Variants in ATAD5 observed in about 807,000 individuals in gnomAD.
ATAD5 encodes ATPase family AAA domain-containing protein 5.
Under a neutral mutation model 176.9 loss-of-function variants are expected in ATAD5, and 58 were observed. The ratio of observed to expected loss-of-function variants is 0.33; its 90% CI spans 0.27 to 0.41. ATAD5 has a LOEUF of 0.41. Among genes scored for constraint, ATAD5 ranks in the 10% least tolerant of loss-of-function variants. The pLI is 1.00. For synonymous variants in ATAD5, 640 were observed against 712.6 expected (o/e 0.90, Z 1.62); for missense variants, 1,789 against 2,094.1 (o/e 0.85, Z 2.84).
chr17:30,857,021 C>G lies in ATAD5; in HGVS notation c.2702C>G (p.Thr901Ser). 1.2e-6 allele frequency: 2 copies of G among 1,609,516 alleles called. No individual in the cohort carries two copies. The highest frequency in any genetic ancestry group is 1.7e-5 in the Admixed American group (1 of 58,456). The change falls in exon 8 of 23, where the codon ACT (threonine) becomes AGT (serine). Residue 901 changes from threonine to serine, a missense_variant. By Grantham distance (58) the Thr-to-Ser change is moderately conservative. Transcript: ENST00000321990. ...PLLTKFKELN[T>S]KVIDLSKCGI... ...TTAACTAAATTTAAAGAACTGAACA[C>G]TAAAGTAATAGATCTCTCAAAATGT... is the stretch of plus-strand genomic sequence containing the variant.
intron 6 of ATAD5, among the ~76,000 whole-genome samples, chr17:30,847,325 T>TAG (rs1298109880): frequency 1.5e-4 from 23 of 150,856 alleles, no homozygotes; most frequent in African/African-American, 4.7e-4. Flanking sequence ...GCTATATATA[T>TAG]ATAGAGAGAG....
chr17:30,864,276 T>TTGAATAGCCACTGCACTGTG (rs1425877271), intron 10 of ATAD5: 1 of 152,212 alleles, frequency 6.6e-6, no homozygotes, highest in Non-Finnish European at 1.5e-5. Flanking sequence ...GTGTTTGTGC[T>TTGAATAGCCACTGCACTGTG]TGTGAATAGC....
intron 5 of ATAD5, among the ~76,000 whole-genome samples, chr17:30,844,290 C>A (rs1906333463): frequency 6.6e-6 from 1 of 151,934 alleles, no homozygotes; most frequent in Non-Finnish European, 1.5e-5. Context: ...CACCACCATG[C>A]CCGGCTAATT....
Position 30,844,929 on chromosome 17 carries a change from C to T in ATAD5, c.2450+13C>T. On this transcript the variant is annotated intron_variant, in intron 6 of 22. Coordinates refer to ENST00000321990, the MANE Select transcript of ATAD5 (RefSeq NM_024857.5). The stretch of plus-strand genomic sequence containing the variant: ...TTGATGAAAGCAGGTCAGTCCAATA[C>T]AAATTTTTAAATGCCAAAATATTTT... 1.9e-6 allele frequency: 3 copies of T among 1,572,130 alleles called. No individual in the cohort carries two copies. Among genetic ancestry groups the T allele is most frequent in the Non-Finnish European group, 2.6e-6 (3 of 1,165,178 alleles).
At chr17:30,890,827 CCA>C (rs1309574700) in intron 19 of ATAD5, among the ~76,000 whole-genome samples, 2 of 151,838 alleles carry the variant, frequency 1.3e-5, no homozygotes, top group Non-Finnish European at 1.5e-5. Context: ...TTGAAAGTAG[CCA>C]CAGTTAGACC....
rs572962747 is a variant in ATAD5 at position 30,894,479 on chromosome 17, G to A, written c.5298-85G>A. ...GAAATGTCATCTGGTCTAGACCAGA[G>A]GCAAGGAAACTAAACTGGTTGTGAT... On this transcript the variant is annotated intron_variant, in intron 21 of 22. Coordinates refer to ENST00000321990, the MANE Select transcript of ATAD5 (RefSeq NM_024857.5). 14 of 1,337,108 alleles carry A rather than the reference G, an allele frequency of 1.0e-5. 1 individual carries two copies. The South Asian group carries it at 1.4e-4, about 13-fold the overall frequency. 82.8% of individuals were successfully genotyped at this position (1,337,108 alleles called of 1,614,324 possible). A position where few individuals can be genotyped will look rare whatever the true frequency, so the allele number is the denominator to read the frequency against.
At chr17:30,890,185 A>C (rs553973313) in intron 19 of ATAD5, among the ~76,000 whole-genome samples, 75 of 151,428 alleles carry the variant, frequency 5.0e-4, no homozygotes, top group Middle Eastern at 3.4e-3. Context: ...CACCTCACCC[A>C]GCTTCATATT....
intron 6 of ATAD5, 111 bp downstream of exon 6, chr17:30,845,027 G>C: frequency 1.0e-6 from 1 of 998,272 alleles, no homozygotes; most frequent in Non-Finnish European, 1.4e-6. Context: ...GCTCTAGTAA[G>C]TCCAGTTTCA....
intron 18 of ATAD5, among the ~76,000 whole-genome samples, chr17:30,881,682 G>C (rs918186207): frequency 2.0e-4 from 30 of 152,160 alleles, no homozygotes; most frequent in Admixed American, 2.0e-4. Flanking sequence ...GGAGGCAGAG[G>C]CAGGCGGATC....
intron 3 of ATAD5, among the ~76,000 whole-genome samples, chr17:30,837,704 A>G (rs1259891951): frequency 1.3e-5 from 2 of 152,230 alleles, no homozygotes; most frequent in Non-Finnish European, 2.9e-5. Flanking sequence ...CGATCAAAGC[A>G]TCAGCTATGC....
At position 30,857,048 on chromosome 17, in the gene ATAD5, G is replaced by C. The variant is rs376503585; in HGVS notation, c.2729G>C (p.Gly910Ala). 4 of 1,610,970 alleles carry C rather than the reference G, an allele frequency of 2.5e-6. No homozygotes were observed. Among genetic ancestry groups the C allele is most frequent in the Non-Finnish European group, 2.5e-6 (3 of 1,179,364 alleles). Residue 910 changes from glycine (G) to alanine (A), a missense_variant, in exon 8 of 23, where the codon GGT becomes GCT. Transcript: ENST00000321990. ...AAAGTAATAGATCTCTCAAAATGTG[G>C]TATTGCTCTTGGTGAATTTTCAACA... is the stretch of plus-strand genomic sequence containing the variant. ...NTKVIDLSKC[G>A]IALGEFSTLN...
intron 10 of ATAD5, among the ~76,000 whole-genome samples, chr17:30,865,502 G>A (rs1172107214): frequency 2.6e-5 from 4 of 151,874 alleles, no homozygotes; most frequent in Non-Finnish European, 5.9e-5. Flanking sequence ...AGATTATGGT[G>A]GTTATTTTTT....
At chr17:30,861,371 T>G (rs998037407) in intron 10 of ATAD5, among the ~76,000 whole-genome samples, 1 of 150,694 alleles carries the variant, frequency 6.6e-6, no homozygotes. Context: ...TTCTCTCTCT[T>G]TTTTTTTTCT....
In ATAD5 at chr17:30,834,026, T is replaced by G. The variant is rs560785477; in HGVS notation, c.67-122T>G. On this transcript the variant is annotated intron_variant, in intron 1 of 22. Transcript: ENST00000321990. ...ATTTTCTTTCTAATATATCACGTTT[T>G]TCACCTAAAGGAGGCTTCCTTTTTT... 3.4e-5 allele frequency: 29 copies of G among 852,300 alleles called. No individual in the cohort carries two copies. In the African/African-American group the frequency reaches 4.7e-4, roughly 14 times the overall value. 52.8% of individuals were successfully genotyped at this position (852,300 alleles called of 1,614,324 possible). A position where few individuals can be genotyped will look rare whatever the true frequency, so the allele number is the denominator to read the frequency against.
At chr17:30,871,797 T>C (rs1303150251) in intron 14 of ATAD5, among the ~76,000 whole-genome samples, 1 of 152,214 alleles carries the variant, frequency 6.6e-6, no homozygotes, top group African/African-American at 2.4e-5. Flanking sequence ...GCTGGATATT[T>C]ATGTATTCCT....
chr17:30,843,527 C>G (rs1356108220), intron 4 of ATAD5, among the ~76,000 whole-genome samples: 1 of 151,618 alleles, frequency 6.6e-6, no homozygotes, highest in Non-Finnish European at 1.5e-5. Flanking sequence ...GCGCGCACCT[C>G]CAATCCCAGC....
At position 30,834,302 on chromosome 17, in the gene ATAD5, A is replaced by C; in HGVS notation, c.221A>C (p.Glu74Ala). The C allele has an allele frequency of 1.2e-6, 2 of 1,613,576 alleles. No individual in the cohort carries two copies. Among genetic ancestry groups the C allele is most frequent in the Non-Finnish European group, 1.7e-6 (2 of 1,179,880 alleles). ...DYFRKTSPTN[E>A]KTQLGKECKI... ...TTTAGAAAGACTTCACCCACAAATG[A>C]GAAGACACAATTAGGGAAAGAGTGC... Residue 74 changes from glutamate to alanine, a missense_variant, in exon 2 of 23, where the codon GAG (glutamate) becomes GCG (alanine). Physicochemically the swap from Glu to Ala is moderately radical, Grantham distance 107. This residue lies in a region of ATAD5 where 696 missense variants were observed against 712.5 expected (regional missense o/e 0.98). Transcript: ENST00000321990.
chr17:30,874,418 G>A (rs1167006227), intron 14 of ATAD5, among the ~76,000 whole-genome samples: 1 of 148,950 alleles, frequency 6.7e-6, no homozygotes. Context: ...GCGTGTGCTT[G>A]TAATCCCAGC....
chr17:30,850,839 A>ATT (rs1906857150), intron 6 of ATAD5, among the ~76,000 whole-genome samples: 1 of 9,186 alleles, frequency 1.1e-4, no homozygotes, highest in Non-Finnish European at 2.1e-4. Context: ...ATTTTTATAT[A>ATT]TATATATATA....
Sources: allele counts gnomAD v4.1 joint callset (sites outside exome capture counted in the v4.1 genomes callset), GRCh38; gene constraint gnomAD v4.1.1; regional missense constraint gnomAD v4.1.1; transcripts MANE v1.5; gene names NCBI Gene and HGNC (gene_info 2026-07-23, HGNC 2026-07-21).